The following B3GLCT variants were observed in gnomAD, a reference collection of about 807,000 sequenced individuals.
B3GLCT encodes beta 3-glucosyltransferase.
B3GLCT carries 65 observed loss-of-function variants against 63.4 expected under a neutral mutation model. That is an observed-to-expected ratio of 1.03 (90% CI 0.84 to 1.26). The LOEUF is 1.26. Ranked by LOEUF, B3GLCT falls within the 50% of genes most tolerant of loss-of-function variation. B3GLCT has a pLI of 0.00. For synonymous variants in B3GLCT, 233 were observed against 219.2 expected (o/e 1.06, Z -0.55); for missense variants, 577 against 604.8 (o/e 0.95, Z 0.48).
intron 4 of B3GLCT, among the ~76,000 whole-genome samples, chr13:31,245,163 C>T (rs764320629): frequency 4.6e-5 from 7 of 152,070 alleles, no homozygotes; most frequent in Non-Finnish European, 8.8e-5. Flanking sequence ...CCTTTGCCTC[C>T]CACATTTTAT....
chr13:31,251,603 G>A lies in B3GLCT; in HGVS notation c.459+3637G>A, dbSNP rs140151725. Among the ~76,000 whole-genome samples the A allele has an allele frequency of 1.2e-3, 179 of 152,266 alleles. 1 individual carries two copies. Among genetic ancestry groups the A allele is most frequent in the African/African-American group, 4.2e-3 (173 of 41,550 alleles). ...TACCAATAGCCGAATCGATCAAGTG[G>A]AAGAAAGGATATCAGAGATTGAAGA... On this transcript the variant is annotated intron_variant, in intron 6 of 14. Transcript: ENST00000343307.
chr13:31,308,347 T>TAAAAAAAAAACAAAA (rs1874501160), intron 12 of B3GLCT, among the ~76,000 whole-genome samples: 1 of 23,670 alleles, frequency 4.2e-5, no homozygotes, highest in Non-Finnish European at 1.2e-4. Flanking sequence ...AAAAAAAAAT[T>TAAAAAAAAAACAAAA]AAAAAAAAAA....
chr13:31,317,759 G>T, intron 13 of B3GLCT, 74 bp downstream of exon 13: 1 of 1,585,972 alleles, frequency 6.3e-7, no homozygotes, highest in Non-Finnish European at 8.6e-7. Context: ...TAGGTCTCTG[G>T]CACTGGGATC....
At chr13:31,308,362 A>AAAGCAAAAC (rs1555254601) in intron 12 of B3GLCT, among the ~76,000 whole-genome samples, 1 of 61,878 alleles carries the variant, frequency 1.6e-5, no homozygotes, top group African/African-American at 4.6e-5. Flanking sequence ...AAAAAAAAAC[A>AAAGCAAAAC]AAAAAAAAAG....
chr13:31,302,518 G>A (rs1471935827), intron 12 of B3GLCT, among the ~76,000 whole-genome samples: 1 of 130,440 alleles, frequency 7.7e-6, no homozygotes, highest in Non-Finnish European at 1.6e-5. Flanking sequence ...CACCTGGGAA[G>A]CGCAAGGGGT....
chr13:31,240,150 A>C (rs563540854), intron 4 of B3GLCT, among the ~76,000 whole-genome samples: 1 of 152,308 alleles, frequency 6.6e-6, no homozygotes, highest in East Asian at 1.9e-4. Flanking sequence ...AAAAAAAATC[A>C]GAAGTCAGGA....
intron 10 of B3GLCT, among the ~76,000 whole-genome samples, chr13:31,278,896 A>G (rs1872923269): frequency 6.6e-6 from 1 of 152,194 alleles, no homozygotes; most frequent in Admixed American, 6.5e-5. Flanking sequence ...CTTGTTGTGG[A>G]AAAAGCTGAG....
chr13:31,252,199 G>A (rs531266097), intron 6 of B3GLCT, among the ~76,000 whole-genome samples: 24 of 152,236 alleles, frequency 1.6e-4, no homozygotes, highest in African/African-American at 4.8e-4. Flanking sequence ...GGCCTGCCCT[G>A]CAAGAGCTCC....
chr13:31,220,220 G>T (rs976133557), intron 2 of B3GLCT, among the ~76,000 whole-genome samples: 1 of 152,140 alleles, frequency 6.6e-6, no homozygotes, highest in African/African-American at 2.4e-5. Context: ...TCTTTCGAGG[G>T]TGTCATATCT....
At chr13:31,295,197 A>G (rs1873871465) in intron 12 of B3GLCT, among the ~76,000 whole-genome samples, 1 of 152,198 alleles carries the variant, frequency 6.6e-6, no homozygotes, top group South Asian at 2.1e-4. Flanking sequence ...GCTTTGTCCC[A>G]GACGGGCACG....
chr13:31,277,034 C>T (rs1872828850), intron 10 of B3GLCT, among the ~76,000 whole-genome samples: 2 of 152,082 alleles, frequency 1.3e-5, no homozygotes, highest in South Asian at 4.1e-4. Flanking sequence ...AATGGAAAAG[C>T]TCAGTGTGGC....
chr13:31,286,764 C>T lies in B3GLCT; in HGVS notation c.1009C>T (p.Arg337Cys), dbSNP rs537023333. 8.1e-6 allele frequency: 13 copies of T among 1,613,484 alleles called. No homozygotes were observed. In the East Asian group the frequency reaches 1.8e-4, roughly 22 times the overall value. ...TFAILERFLN[R>C]SQDKTAWLVI... ...TGCCATTTTGGAAAGATTTCTGAAT[C>T]GTAGCCAGGACAAAACAGCATGGTT... Residue 337 changes from arginine to cysteine, a missense_variant, in exon 12 of 15, where the codon CGT becomes TGT. By Grantham distance (180) the Arg-to-Cys change is radical. Transcript: ENST00000343307.
chr13:31,253,178 C>T (rs1593275076), intron 6 of B3GLCT, among the ~76,000 whole-genome samples: 1 of 152,116 alleles, frequency 6.6e-6, no homozygotes, highest in African/African-American at 2.4e-5. Flanking sequence ...AACAAACGCA[C>T]AACATACCAG....
intron 6 of B3GLCT, 80 bp downstream of exon 6, chr13:31,248,046 G>C: frequency 1.2e-6 from 1 of 801,812 alleles, no homozygotes; most frequent in South Asian, 1.5e-5. Context: ...AGAAGCTTTT[G>C]AATCTAATAA....
At chr13:31,235,557 G>A (rs948122784) in intron 4 of B3GLCT, among the ~76,000 whole-genome samples, 4 of 151,580 alleles carry the variant, frequency 2.6e-5, no homozygotes, top group Non-Finnish European at 4.4e-5. Flanking sequence ...ATTCTCTGGA[G>A]AGGCCTCAGA....
chr13:31,308,933 T>C lies in B3GLCT; in HGVS notation c.1065-8633T>C, dbSNP rs75115819. Among the ~76,000 whole-genome samples, 839 of 152,326 alleles carry C rather than the reference T, an allele frequency of 5.5e-3. 12 individuals carry two copies. Among genetic ancestry groups the C allele is most frequent in the African/African-American group, 0.019 (806 of 41,576 alleles). On this transcript the variant is annotated intron_variant, in intron 12 of 14. Transcript: ENST00000343307. The stretch of plus-strand genomic sequence containing the variant: ...TAGTGTCACGGTCTAACCCAGCACT[T>C]TCTTTTAATTTTATTTTAGCTAGTA...
chr13:31,276,127 C>G (rs986307356), intron 9 of B3GLCT, among the ~76,000 whole-genome samples: 4 of 152,164 alleles, frequency 2.6e-5, no homozygotes, highest in Non-Finnish European at 4.4e-5. Context: ...ACTGCCCCCA[C>G]CCCATCTCCA....
chr13:31,231,978 G>A (rs537055015), intron 4 of B3GLCT, among the ~76,000 whole-genome samples: 2 of 152,324 alleles, frequency 1.3e-5, no homozygotes, highest in Admixed American at 6.5e-5. Context: ...AATGGAGAAT[G>A]TGTTATAGCT....
intron 14 of B3GLCT, among the ~76,000 whole-genome samples, chr13:31,326,281 T>TC (rs1875616068): frequency 7.7e-6 from 1 of 130,284 alleles, no homozygotes; most frequent in Admixed American, 7.7e-5. Context: ...TTCCCTTTTT[T>TC]TTTTTTTTTT....
Sources: allele counts gnomAD v4.1 joint callset (sites outside exome capture counted in the v4.1 genomes callset), GRCh38; gene constraint gnomAD v4.1.1; transcripts MANE v1.5; gene names NCBI Gene and HGNC (gene_info 2026-07-23, HGNC 2026-07-21).